CSNK2A1: variants seen among roughly 807,000 people sequenced by gnomAD.
The protein encoded by CSNK2A1 is casein kinase II subunit alpha.
In CSNK2A1, 10 loss-of-function variants were observed where a neutral mutation model predicts 62.9. The observed-to-expected ratio is 0.16, with a 90% CI of 0.10 to 0.27. CSNK2A1 has a LOEUF of 0.27. CSNK2A1 is among the 10% of genes least tolerant of loss of function. The probability of loss-of-function intolerance (pLI) is 1.00; values close to 1 mark genes in which losing one functional copy is unlikely to be tolerated. For missense variants in CSNK2A1, 160 were observed against 492.0 expected, an observed-to-expected ratio of 0.33 and a Z score of 6.38; for synonymous variants, 124 against 167.8, an observed-to-expected ratio of 0.74 and a Z score of 2.02.
At position 499,978 on chromosome 20, in the gene CSNK2A1, T is replaced by A. The variant is rs761847518; in HGVS notation, c.214-44A>T. On this transcript the variant is annotated intron_variant, in intron 4 of 13. Transcript: ENST00000217244. The surrounding 1 kb of genome is among the most constrained non-coding windows in gnomAD (Gnocchi z 4.2). ...ATCAGCAAAAAAAAAAAAAAAAAAT[T>A]TTTTCAGAGTATTTCAACACGTAGT... 1.3e-5 allele frequency: 16 copies of A among 1,252,514 alleles called. No individual in the cohort carries two copies. The highest frequency in any genetic ancestry group is 1.8e-5 in the African/African-American group (1 of 56,116). The allele number at this position is 1,252,514 out of a possible 1,614,324, so 77.6% of individuals were successfully genotyped here.
chr20:538,165 G>A (rs1480608657), intron 1 of CSNK2A1, among the ~76,000 whole-genome samples: 1 of 152,102 alleles, frequency 6.6e-6, no homozygotes, highest in African/African-American at 2.4e-5. Context: ...GGCCAGGCTG[G>A]TCTTGTCCTG....
chr20:513,344 G>T (rs2018762782), intron 2 of CSNK2A1, among the ~76,000 whole-genome samples: 1 of 152,208 alleles, frequency 6.6e-6, no homozygotes, highest in African/African-American at 2.4e-5. Flanking sequence ...TGTGCTTGCA[G>T]ACTGAAGGGA....
chr20:488,040 C>CT (rs530136543), intron 11 of CSNK2A1: 12,599 of 142,964 alleles, frequency 0.088, 606 homozygotes, highest in South Asian at 0.13. Context: ...TGCATATAGC[C>CT]TTTTTTTTTT....
intron 8 of CSNK2A1, chr20:495,207 T>C (rs563938798): frequency 6.5e-6 from 1 of 153,602 alleles, no homozygotes; most frequent in South Asian, 2.0e-4. Flanking sequence ...CTTGTCACCT[T>C]AAAAAACTGA....
chr20:511,681 G>A (rs1449573459), intron 2 of CSNK2A1, among the ~76,000 whole-genome samples: 6 of 146,518 alleles, frequency 4.1e-5, no homozygotes, highest in Non-Finnish European at 8.9e-5. Context: ...AAGGCTGAAT[G>A]ATATTGCACT....
Position 488,455 on chromosome 20 carries a change from G to C in CSNK2A1, c.824+223C>G, listed in dbSNP as rs544061800. 3 of 464,846 alleles carry C rather than the reference G, an allele frequency of 6.5e-6. No homozygotes were observed. The South Asian group carries it at 8.8e-5, about 14-fold the overall frequency. The allele number at this position is 464,846 out of a possible 1,614,324, so 28.8% of individuals were successfully genotyped here. A position where few individuals can be genotyped will look rare whatever the true frequency, so the allele number is the denominator to read the frequency against. On this transcript the variant is annotated intron_variant, in intron 11 of 13. Transcript: ENST00000217244. The stretch of plus-strand genomic sequence containing the variant: ...ACATTCATTTTGTAGGAATCCTCTA[G>C]CTATAACCCCTCCATCAGACTCCTG...
At chr20:530,302 T>C (rs1196048925) in intron 1 of CSNK2A1, among the ~76,000 whole-genome samples, 3 of 152,332 alleles carry the variant, frequency 2.0e-5, no homozygotes, top group African/African-American at 7.2e-5. Flanking sequence ...ATCCACGTTG[T>C]TGCAAGTATC....
chr20:521,962 G>A (rs983446646), intron 2 of CSNK2A1, among the ~76,000 whole-genome samples: 8 of 152,124 alleles, frequency 5.3e-5, no homozygotes, highest in East Asian at 1.9e-4. Context: ...TTATATCAGG[G>A]GTCCCCAATC....
In CSNK2A1 at chr20:505,190, T is replaced by G; in HGVS notation, c.141A>C (p.Arg47=). The G allele has an allele frequency of 6.2e-7, 1 of 1,613,838 alleles. No homozygotes were observed. Among genetic ancestry groups the G allele is most frequent in the Non-Finnish European group, 8.5e-7 (1 of 1,179,960 alleles). Residue 47 remains arginine (R), a synonymous_variant, in exon 4 of 14, where the codon CGA becomes CGC. Transcript: ENST00000217244. ...DDYQLVRKLG[R]GKYSEVFEAI... is the part of the protein sequence containing the mutation. ...CTTCAAATACTTCACTGTATTTACC[T>G]CGGCCTAATTTTCGAACCAGCTGGT...
intron 2 of CSNK2A1, among the ~76,000 whole-genome samples, chr20:523,244 C>G (rs2122614330): frequency 6.6e-6 from 1 of 152,228 alleles, no homozygotes; most frequent in East Asian, 1.9e-4. Context: ...TTGGCAACTT[C>G]TTTATAAATA....
In CSNK2A1 at chr20:480,376, GCCATT is replaced by G. The variant is rs1305311057; in HGVS notation, c.*3580_*3584del. The stretch of plus-strand genomic sequence containing the variant: ...GTAGGGTGTTAAATATTTTCCTCGT[GCCATT>G]CCATTCAATACTCTTCGATCCTGAG... On this transcript the variant is annotated 3_prime_UTR_variant, in exon 14 of 14. Transcript: ENST00000217244. 6.6e-6 allele frequency: 1 copy of G among 151,442 alleles called. No homozygotes were observed. Among genetic ancestry groups the G allele is most frequent in the Non-Finnish European group, 1.5e-5 (1 of 67,950 alleles). 9.4% of individuals were successfully genotyped at this position (151,442 alleles called of 1,614,324 possible).
At position 475,094 on chromosome 20, in the gene CSNK2A1, AATGTT is replaced by A. The variant is rs2017821005; in HGVS notation, c.*8862_*8866del. 1 of 152,214 alleles carries A rather than the reference AATGTT, an allele frequency of 6.6e-6. No individual in the cohort carries two copies. Among genetic ancestry groups the A allele is most frequent in the African/African-American group, 2.4e-5 (1 of 41,456 alleles). The allele number at this position is 152,214 out of a possible 1,614,324, so 9.4% of individuals were successfully genotyped here. On this transcript the variant is annotated 3_prime_UTR_variant, in exon 14 of 14. Coordinates refer to ENST00000217244, the MANE Select transcript of CSNK2A1 (RefSeq NM_177559.3). ...CCCAGAAGCACCCTGTGTATAGTGG[AATGTT>A]GTGTTGTTTCTGGCCATGGAGTCTC... is the stretch of plus-strand genomic sequence containing the variant.
intron 2 of CSNK2A1, among the ~76,000 whole-genome samples, chr20:519,060 A>C: frequency 6.7e-6 from 1 of 149,434 alleles, no homozygotes; most frequent in South Asian, 2.1e-4. Context: ...CTCAGCCTCC[A>C]GAGTAGCTGG....
Position 505,105 on chromosome 20 carries a change from C to T in CSNK2A1, c.213+13G>A. 1 of 1,599,230 alleles carries T rather than the reference C, an allele frequency of 6.3e-7. No individual in the cohort carries two copies. ...ATATTCCAAATACCTCTGAAATTAT[C>T]TCTTGTACTCACCTTGAGAATTTTA... On this transcript the variant is annotated intron_variant, in intron 4 of 13. Transcript: ENST00000217244.
chr20:512,509 A>C (rs1397614911), intron 2 of CSNK2A1, among the ~76,000 whole-genome samples: 2 of 152,180 alleles, frequency 1.3e-5, no homozygotes, highest in Non-Finnish European at 2.9e-5. Context: ...AAGCCAGAAG[A>C]GATACCTCCT....
At chr20:488,860 T>A in intron 10 of CSNK2A1, 82 bp from the exon 11 acceptor site, 2 of 1,302,680 alleles carry the variant, frequency 1.5e-6, no homozygotes, top group Non-Finnish European at 2.2e-6. Context: ...TGAATTTACA[T>A]AAACGGGTCA....
At chr20:525,459 T>C (rs950287460) in intron 2 of CSNK2A1, among the ~76,000 whole-genome samples, 2 of 150,794 alleles carry the variant, frequency 1.3e-5, no homozygotes, top group Admixed American at 1.3e-4. Context: ...GAGACCACCC[T>C]GGCTAACATG....
chr20:510,231 G>T (rs541158015), intron 2 of CSNK2A1: 3 of 150,128 alleles, frequency 2.0e-5, no homozygotes, highest in African/African-American at 7.4e-5. Flanking sequence ...GGAGTGCAAT[G>T]GCGTGATCTT....
chr20:542,483 G>C (rs2019471152), intron 1 of CSNK2A1, among the ~76,000 whole-genome samples: 1 of 152,194 alleles, frequency 6.6e-6, no homozygotes, highest in Non-Finnish European at 1.5e-5. Flanking sequence ...GCCCAGGCTG[G>C]AGTGCAGTGG....
Sources: gnomAD v4.1 joint callset for allele counts (sites outside exome capture counted in the v4.1 genomes callset) on GRCh38, gnomAD v4.1.1 for gene constraint, Gnocchi (gnomAD v3.1) non-coding constraint, MANE v1.5 for transcripts, NCBI Gene and HGNC (gene_info 2026-07-23, HGNC 2026-07-21) for gene names.